MLLT6: variants seen among roughly 807,000 people sequenced by gnomAD.
MLLT6 encodes the protein MLLT6, PHD finger containing.
MLLT6 carries 22 observed loss-of-function variants against 103.0 expected under a neutral mutation model. That is an observed-to-expected ratio of 0.21 (90% CI 0.15 to 0.31). The LOEUF (loss-of-function observed/expected upper bound fraction) is 0.31. Ranked by LOEUF, MLLT6 falls within the 10% of genes least tolerant of loss-of-function variation. The pLI is 1.00. For synonymous variants in MLLT6, 606 were observed against 623.5 expected (o/e 0.97, Z 0.42); for missense variants, 1,199 against 1,441.7 (o/e 0.83, Z 2.73).
At chr17:38,712,896 C>T (rs1182317410) in intron 8 of MLLT6, 107 bp downstream of exon 8, 3 of 798,554 alleles carry the variant, frequency 3.8e-6, no homozygotes, top group East Asian at 4.9e-5. Flanking sequence ...ACCCTCCCCA[C>T]AGCTTCAAGT....
chr17:38,716,804 GGCCCAGCTGCCCCATCCTTGCCCAGT>G lies in MLLT6; in HGVS notation c.1484_1509del (p.Ala495GlyfsTer53). The stretch of plus-strand genomic sequence containing the variant: ...CAGCCGGAACAAGGAGGGCACTGGG[GGCCCAGCTGCCCCATCCTTGCCCAGT>G]GCCCAGCTGGCTGGCTTTACCGCCA... On this transcript the variant is annotated frameshift_variant, in exon 10 of 20. Transcript: ENST00000621332. LOFTEE classifies it high-confidence loss of function. This position sits in a 1 kb window ranked among gnomAD's most constrained non-coding sequence, Gnocchi z 5.6. The G allele has an allele frequency of 6.2e-7, 1 of 1,611,760 alleles. No individual in the cohort carries two copies. Among genetic ancestry groups the G allele is most frequent in the Non-Finnish European group, 8.5e-7 (1 of 1,178,972 alleles).
intron 6 of MLLT6, among the ~76,000 whole-genome samples, 184 bp from the exon 7 acceptor site, chr17:38,711,663 T>C (rs1486742163): frequency 6.6e-6 from 1 of 152,134 alleles, no homozygotes; most frequent in Non-Finnish European, 1.5e-5. Context: ...TGGAACACTC[T>C]AGGATTTTCA....
Position 38,705,561 on chromosome 17 carries a change from C to T in MLLT6, c.-72C>T. The stretch of plus-strand genomic sequence containing the variant: ...GAGGAGGCGCGCGGCCCCCCGCTCC[C>T]TCCCTCCCCCCTGACCCCCGACCCC... On this transcript the variant is annotated 5_prime_UTR_variant, in exon 1 of 20. Coordinates refer to ENST00000621332, the MANE Select transcript of MLLT6 (RefSeq NM_005937.4). The T allele has an allele frequency of 1.8e-6, 1 of 546,102 alleles. No homozygotes were observed. Among genetic ancestry groups the T allele is most frequent in the Non-Finnish European group, 3.1e-6 (1 of 318,712 alleles). The allele number at this position is 546,102 out of a possible 1,614,324, so 33.8% of individuals were successfully genotyped here. A position where few individuals can be genotyped will look rare whatever the true frequency, so the allele number is the denominator to read the frequency against.
chr17:38,717,056 T>C, intron 10 of MLLT6, 75 bp downstream of exon 10: 2 of 1,574,916 alleles, frequency 1.3e-6, no homozygotes, highest in East Asian at 2.3e-5. Flanking sequence ...ACACATGCAC[T>C]TAGAAGGAAA....
Position 38,720,543 on chromosome 17 carries a change from C to G in MLLT6, c.2327C>G (p.Pro776Arg), listed in dbSNP as rs1166958419. ...AALPAANGPV[P>R]GPYGLPPQAG... ...CTGCCTGCCGCCAACGGCCCTGTCCCTGGGCCCTATGGCCTGCCTCCCCAA... is the reference window on the plus strand; with the variant it reads ...CTGCCTGCCGCCAACGGCCCTGTCCGTGGGCCCTATGGCCTGCCTCCCCAA... The change falls in exon 15 of 20, where the codon CCT (proline) becomes CGT (arginine). Residue 776 changes from proline to arginine, a missense_variant. Physicochemically the swap from Pro to Arg is moderately radical, Grantham distance 103. This residue lies in a region of MLLT6 where 1,034 missense variants were observed against 1,091.5 expected (regional missense o/e 0.95). Transcript: ENST00000621332. The G allele has an allele frequency of 1.2e-6, 2 of 1,612,214 alleles. No homozygotes were observed. The highest frequency in any genetic ancestry group is 1.3e-5 in the African/African-American group (1 of 74,922).
intron 18 of MLLT6, 80 bp downstream of exon 18, chr17:38,722,848 G>A (rs1423414080): frequency 9.5e-7 from 1 of 1,052,940 alleles, no homozygotes; most frequent in Non-Finnish European, 1.5e-6. Flanking sequence ...GGGCCAGCCA[G>A]GAGAGGGCAG....
At position 38,716,850 on chromosome 17, in the gene MLLT6, C is replaced by T. The variant is rs780332449; in HGVS notation, c.1520C>T (p.Thr507Ile). The change falls in exon 10 of 20, where the codon ACC becomes ATC. Residue 507 changes from threonine (T) to isoleucine (I), a missense_variant. Coordinates refer to ENST00000621332, the MANE Select transcript of MLLT6 (RefSeq NM_005937.4). This position sits in a 1 kb window ranked among gnomAD's most constrained non-coding sequence, Gnocchi z 5.6. Reference sequence around the variant, plus strand: ...CCCAGTGCCCAGCTGGCTGGCTTTACCGCCACTGCTGCCTCACCCTTCTCT... The same window carrying T: ...CCCAGTGCCCAGCTGGCTGGCTTTATCGCCACTGCTGCCTCACCCTTCTCT... ...SLPSAQLAGF[T>I]ATAASPFSGG... 5 of 1,613,184 alleles carry T rather than the reference C, an allele frequency of 3.1e-6. No homozygotes were observed. Among genetic ancestry groups the T allele is most frequent in the Non-Finnish European group, 4.2e-6 (5 of 1,179,620 alleles).
At position 38,717,387 on chromosome 17, in the gene MLLT6, G is replaced by A. The variant is rs878876315; in HGVS notation, c.1652-45G>A. ...AGCCACCTGGCTGAGCAGGAGTCTG[G>A]GGTGGAGAGTAACCACGTGCTTCCC... is the stretch of plus-strand genomic sequence containing the variant. On this transcript the variant is annotated intron_variant, in intron 10 of 19. Transcript: ENST00000621332. The A allele has an allele frequency of 8.8e-6, 13 of 1,480,878 alleles. No homozygotes were observed. The South Asian group carries it at 1.7e-4, about 19-fold the overall frequency. The allele number at this position is 1,480,878 out of a possible 1,614,324, so 91.7% of individuals were successfully genotyped here.
Position 38,716,331 on chromosome 17 carries a change from G to A in MLLT6, c.1037-36G>A. 1 of 1,585,246 alleles carries A rather than the reference G, an allele frequency of 6.3e-7. No individual in the cohort carries two copies. ...GGAGTGGGAGGGAGTGCGGGGATCT[G>A]GGGTCCAGCTGTAACTGTTTCCCCT... On this transcript the variant is annotated intron_variant, in intron 9 of 19. Transcript: ENST00000621332. This position sits in a 1 kb window ranked among gnomAD's most constrained non-coding sequence, Gnocchi z 5.6.
intron 1 of MLLT6, 37 bp from the exon 2 acceptor site, chr17:38,706,913 G>C (rs774527700): frequency 6.4e-7 from 1 of 1,569,228 alleles, no homozygotes; most frequent in East Asian, 2.3e-5. Flanking sequence ...GCCACTGGCT[G>C]ACAGCTTTGC....
chr17:38,717,923 C>T lies in MLLT6; in HGVS notation c.1912C>T (p.Leu638Phe). 1.9e-6 allele frequency: 3 copies of T among 1,613,520 alleles called. No individual in the cohort carries two copies. The highest frequency in any genetic ancestry group is 2.5e-6 in the Non-Finnish European group (3 of 1,179,452). The change falls in exon 12 of 20, where the codon CTC becomes TTC. Residue 638 changes from leucine to phenylalanine, a missense_variant. Leu to Phe is a conservative substitution (Grantham distance 22). Around this residue, in one of 7 missense-constraint regions of MLLT6, gnomAD observed 1,034 missense variants for 1,091.5 expected, o/e 0.95. Transcript: ENST00000621332. ...AACCCCCATGGGTGCCGTTAATCCCCTCCTCTCCCAAGCTGAGAGCAGCCA... is the reference window on the plus strand; with the variant it reads ...AACCCCCATGGGTGCCGTTAATCCCTTCCTCTCCCAAGCTGAGAGCAGCCA... ...FGTPMGAVNP[L>F]LSQAESSHTE...
chr17:38,726,245 G>A lies in MLLT6; in HGVS notation c.*647G>A, dbSNP rs1906023223. On this transcript the variant is annotated 3_prime_UTR_variant, in exon 20 of 20. Transcript: ENST00000621332. ...TGGGGCCCCGTGATGGGGAGGAGAG[G>A]GCAGGTGCGGGGAGGCTCTGGCCTT... 1 of 234,074 alleles carries A rather than the reference G, an allele frequency of 4.3e-6. No homozygotes were observed. The highest frequency in any genetic ancestry group is 5.6e-5 in the Admixed American group (1 of 17,788). The allele number at this position is 234,074 out of a possible 1,614,324, so 14.5% of individuals were successfully genotyped here.
At position 38,716,855 on chromosome 17, in the gene MLLT6, A is replaced by G; in HGVS notation, c.1525A>G (p.Thr509Ala). 1 of 1,613,526 alleles carries G rather than the reference A, an allele frequency of 6.2e-7. No individual in the cohort carries two copies. The highest frequency in any genetic ancestry group is 8.5e-7 in the Non-Finnish European group (1 of 1,179,736). Residue 509 changes from threonine to alanine, a missense_variant, in exon 10 of 20, where the codon ACT (threonine) becomes GCT (alanine). Physicochemically the swap from Thr to Ala is moderately conservative, Grantham distance 58 (BLOSUM62 0). Coordinates refer to ENST00000621332, the MANE Select transcript of MLLT6 (RefSeq NM_005937.4). The surrounding 1 kb of genome is among the most constrained non-coding windows in gnomAD (Gnocchi z 5.6). ...PSAQLAGFTA[T>A]AASPFSGGSL... The stretch of plus-strand genomic sequence containing the variant: ...TGCCCAGCTGGCTGGCTTTACCGCC[A>G]CTGCTGCCTCACCCTTCTCTGGAGG...
Position 38,728,784 on chromosome 17 carries a change from GAC to G in MLLT6, c.*3191_*3192del, listed in dbSNP as rs1906170305. On this transcript the variant is annotated 3_prime_UTR_variant, in exon 20 of 20. Transcript: ENST00000621332. ...TGGCTGGCTGTCCCTGTGTGTGTGT[GAC>G]ACACGGTGTGAGTGCAGGGCTGTGC... 4.3e-6 allele frequency: 1 copy of G among 234,324 alleles called. No individual in the cohort carries two copies. Among genetic ancestry groups the G allele is most frequent in the African/African-American group, 2.2e-5 (1 of 45,362 alleles). 14.5% of individuals were successfully genotyped at this position (234,324 alleles called of 1,614,324 possible). A position where few individuals can be genotyped will look rare whatever the true frequency, so the allele number is the denominator to read the frequency against.
At chr17:38,708,244 T>G in intron 4 of MLLT6, 1 of 232,242 alleles carries the variant, frequency 4.3e-6, no homozygotes, top group Non-Finnish European at 8.4e-6. Flanking sequence ...GAACGCAAGT[T>G]CTTGCATGCG....
Position 38,720,722 on chromosome 17 carries a change from A to C in MLLT6, c.2417A>C (p.Asp806Ala). The C allele has an allele frequency of 6.2e-7, 1 of 1,613,854 alleles. No individual in the cohort carries two copies. The highest frequency in any genetic ancestry group is 8.5e-7 in the Non-Finnish European group (1 of 1,180,030). ...SPPGKSSLGL[D>A]NSLSTSSEDP... Reference sequence around the variant, plus strand: ...CCGGGAAAGAGCAGCCTCGGCCTGGACAACTCGCTGTCCACTTCTTCTGAG... The same window carrying C: ...CCGGGAAAGAGCAGCCTCGGCCTGGCCAACTCGCTGTCCACTTCTTCTGAG... The change falls in exon 16 of 20, where the codon GAC (aspartate) becomes GCC (alanine). Residue 806 changes from aspartate to alanine, a missense_variant. Around this residue, in one of 7 missense-constraint regions of MLLT6, gnomAD observed 1,034 missense variants for 1,091.5 expected, o/e 0.95. Coordinates refer to ENST00000621332, the MANE Select transcript of MLLT6 (RefSeq NM_005937.4).
chr17:38,710,370 G>A (rs562802860), intron 6 of MLLT6, among the ~76,000 whole-genome samples: 3 of 152,316 alleles, frequency 2.0e-5, no homozygotes, highest in Non-Finnish European at 4.4e-5. Flanking sequence ...TGGAGCAGTT[G>A]GCTGCAGCTT....
chr17:38,718,095 C>T (rs1905453072), intron 12 of MLLT6, 142 bp downstream of exon 12: 5 of 623,588 alleles, frequency 8.0e-6, no homozygotes, highest in Non-Finnish European at 1.4e-5. Flanking sequence ...AACAAACAGG[C>T]CGGGTGTGGT....
Position 38,727,292 on chromosome 17 carries a change from T to C in MLLT6, c.*1694T>C, listed in dbSNP as rs558910989. The C allele has an allele frequency of 8.7e-6, 2 of 231,056 alleles. No homozygotes were observed. The highest frequency in any genetic ancestry group is 4.5e-5 in the African/African-American group (2 of 44,938). 14.3% of individuals were successfully genotyped at this position (231,056 alleles called of 1,614,324 possible). On this transcript the variant is annotated 3_prime_UTR_variant, in exon 20 of 20. Coordinates refer to ENST00000621332, the MANE Select transcript of MLLT6 (RefSeq NM_005937.4). ...CCTGTTGATAAGACTTTGTAAGATG[T>C]TAGGGAGCTGATAATGGAGGGGGGT...
Sources: gnomAD v4.1 joint callset for allele counts (sites outside exome capture counted in the v4.1 genomes callset) on GRCh38, gnomAD v4.1.1 for gene constraint, gnomAD v4.1.1 regional missense constraint, Gnocchi (gnomAD v3.1) non-coding constraint, MANE v1.5 for transcripts, NCBI Gene and HGNC (gene_info 2026-07-23, HGNC 2026-07-21) for gene names.